DPP6: variants seen among roughly 807,000 people sequenced by gnomAD.
DPP6 encodes the protein dipeptidyl peptidase like 6, also known as A-type potassium channel modulatory protein DPP6.
Under a neutral mutation model 122.6 loss-of-function variants are expected in DPP6, and 69 were observed. The observed-to-expected ratio is 0.56, with a 90% CI of 0.46 to 0.69. DPP6 has a LOEUF of 0.69. Ranked by LOEUF, DPP6 falls within the 30% of genes least tolerant of loss-of-function variation. The pLI, the probability that DPP6 is intolerant of heterozygous loss-of-function variation, is 0.00. For missense variants in DPP6, 928 were observed against 1,116.9 expected, an observed-to-expected ratio of 0.83 and a Z score of 2.41; for synonymous variants, 418 against 433.1, an observed-to-expected ratio of 0.97 and a Z score of 0.43.
At position 153,983,004 on chromosome 7, in the gene DPP6, C is replaced by G. The variant is rs564117965; in HGVS notation, c.51+95270C>G. ...TCGACCTCTGCTGGGAGGTGTCTCC[C>G]CGTCAGGAGGTACGGGGGTGAGGGA... On this transcript the variant is annotated intron_variant, in intron 1 of 25. Transcript: ENST00000404039. Among the ~76,000 whole-genome samples the G allele has an allele frequency of 4.6e-5, 7 of 152,324 alleles. No individual in the cohort carries two copies. The South Asian group carries it at 1.5e-3, about 32-fold the overall frequency.
intron 1 of DPP6, among the ~76,000 whole-genome samples, chr7:154,108,586 G>C (rs1311097228): frequency 6.6e-6 from 1 of 152,124 alleles, no homozygotes; most frequent in Non-Finnish European, 1.5e-5. Flanking sequence ...ACAAACTTGT[G>C]AGCTGAACTT....
At chr7:153,861,576 A>G in the DPP6 span, among the ~76,000 whole-genome samples, 1 of 152,208 alleles carries the variant, frequency 6.6e-6, no homozygotes, top group African/African-American at 2.4e-5. Context: ...AGGCCTCTAC[A>G]ATGAGCTATG....
intron 1 of DPP6, among the ~76,000 whole-genome samples, chr7:154,088,430 A>G (rs1449541418): frequency 6.8e-6 from 1 of 147,628 alleles, no homozygotes; most frequent in Non-Finnish European, 1.5e-5. Context: ...ATTGGCTTCC[A>G]AACACCATGA....
At chr7:154,013,344 A>C (rs1798237989) in intron 1 of DPP6, among the ~76,000 whole-genome samples, 3 of 152,222 alleles carry the variant, frequency 2.0e-5, no homozygotes, top group Non-Finnish European at 4.4e-5. Context: ...AGATGTATTT[A>C]ACCACTTTGT....
intron 1 of DPP6, among the ~76,000 whole-genome samples, chr7:154,343,862 T>C (rs1363099080): frequency 1.3e-5 from 2 of 152,342 alleles, no homozygotes; most frequent in East Asian, 3.9e-4. Context: ...ATTACAGGCG[T>C]GTGCCACCAT....
chr7:154,849,861 T>C (rs1207266581), intron 16 of DPP6, among the ~76,000 whole-genome samples: 1 of 152,234 alleles, frequency 6.6e-6, no homozygotes, highest in Non-Finnish European at 1.5e-5. Flanking sequence ...TGTTGACAGC[T>C]TTTATCATGA....
At chr7:153,950,356 C>T (rs1563040247) in intron 1 of DPP6, among the ~76,000 whole-genome samples, 1 of 152,076 alleles carries the variant, frequency 6.6e-6, no homozygotes, top group African/African-American at 2.4e-5. Context: ...AGGTGTGAGA[C>T]AAGAGGAGGT....
At chr7:154,262,228 G>A (rs560705006) in intron 1 of DPP6, among the ~76,000 whole-genome samples, 37 of 152,256 alleles carry the variant, frequency 2.4e-4, no homozygotes, top group African/African-American at 8.7e-4. Flanking sequence ...GCGGAGTGTT[G>A]TGTGGACTCC....
At chr7:154,882,347 T>C (rs1261279036) in intron 21 of DPP6, among the ~76,000 whole-genome samples, 2 of 152,226 alleles carry the variant, frequency 1.3e-5, no homozygotes, top group African/African-American at 4.8e-5. Context: ...CCTTTGCCAT[T>C]CTGCCCAGTG....
intron 5 of DPP6, among the ~76,000 whole-genome samples, chr7:154,595,088 G>GT (rs1226655231): frequency 6.6e-6 from 1 of 152,054 alleles, no homozygotes; most frequent in African/African-American, 2.4e-5. Context: ...CATGTGGGGT[G>GT]TTACTAAAGC....
chr7:153,981,757 G>A (rs1036848221), intron 1 of DPP6, among the ~76,000 whole-genome samples: 1 of 152,084 alleles, frequency 6.6e-6, no homozygotes, highest in African/African-American at 2.4e-5. Flanking sequence ...AAATCTCTCA[G>A]CATTTGCTTG....
At chr7:154,433,879 C>T (rs1408312560) in intron 1 of DPP6, among the ~76,000 whole-genome samples, 5 of 152,176 alleles carry the variant, frequency 3.3e-5, no homozygotes, top group Admixed American at 1.3e-4. Flanking sequence ...TAGGCCTACA[C>T]GTTCTTTTCC....
intron 1 of DPP6, among the ~76,000 whole-genome samples, chr7:154,060,728 C>G (rs1343885410): frequency 1.7e-5 from 1 of 60,342 alleles, no homozygotes; most frequent in African/African-American, 6.8e-5. Context: ...GGGGGAGGCA[C>G]CCCCCGCGAG....
rs34365501 is a variant in DPP6 at position 154,429,180 on chromosome 7, T to TAAAAAAAA, written c.244-17028_244-17021dup. Among the ~76,000 whole-genome samples, 352 of 146,186 alleles carry TAAAAAAAA rather than the reference T, an allele frequency of 2.4e-3. 1 individual carries two copies. Among genetic ancestry groups the TAAAAAAAA allele is most frequent in the African/African-American group, 8.4e-3 (331 of 39,332 alleles). On this transcript the variant is annotated intron_variant, in intron 1 of 25. Coordinates refer to ENST00000377770, the MANE Select transcript of DPP6 (RefSeq NM_130797.4). ...TCTGAGCTTCTGCTTCTTAATCTGT[T>TAAAAAAAA]AAAAAAAAAAAAAGCATAATTTGTC...
intron 1 of DPP6, among the ~76,000 whole-genome samples, chr7:154,299,255 G>A (rs903584158): frequency 2.0e-5 from 3 of 152,172 alleles, no homozygotes; most frequent in Non-Finnish European, 2.9e-5. Flanking sequence ...CCCTGACCAC[G>A]CAGACCCAGC....
At chr7:154,142,837 A>G (rs1486140251) in intron 1 of DPP6, among the ~76,000 whole-genome samples, 1 of 141,406 alleles carries the variant, frequency 7.1e-6, no homozygotes, top group Non-Finnish European at 1.5e-5. Flanking sequence ...CGTATGGGGA[A>G]AAACAGAGTT....
At chr7:154,671,969 G>A (rs1004499691) in intron 7 of DPP6, among the ~76,000 whole-genome samples, 9 of 152,016 alleles carry the variant, frequency 5.9e-5, no homozygotes. Flanking sequence ...CTGTAGACAT[G>A]TCTCTCTCCT....
At chr7:154,649,413 G>T (rs1836721500) in intron 6 of DPP6, among the ~76,000 whole-genome samples, 1 of 152,190 alleles carries the variant, frequency 6.6e-6, no homozygotes, top group South Asian at 2.1e-4. Flanking sequence ...AGAATTCCCA[G>T]ATCATAAGTA....
In DPP6 at chr7:153,943,885, A is replaced by G. The variant is rs182050135; in HGVS notation, c.51+56151A>G. Among the ~76,000 whole-genome samples, 611 of 152,222 alleles carry G rather than the reference A, an allele frequency of 4.0e-3. 2 individuals carry two copies. The highest frequency in any genetic ancestry group is 0.017 in the Middle Eastern group (5 of 294). On this transcript the variant is annotated intron_variant, in intron 1 of 25. Transcript: ENST00000404039. The stretch of plus-strand genomic sequence containing the variant: ...ATGCTCTGCTACATTCTTTCTGCAA[A>G]AGGGAATTTAAAAGAATGATGAGAT...
Sources: gnomAD v4.1 joint callset for allele counts (sites outside exome capture counted in the v4.1 genomes callset) on GRCh38, gnomAD v4.1.1 for gene constraint, MANE v1.5 for transcripts, NCBI Gene and HGNC (gene_info 2026-07-23, HGNC 2026-07-21) for gene names.